Variants in POLR3B observed in about 807,000 individuals in gnomAD.
The protein encoded by POLR3B is DNA-directed RNA polymerase III subunit RPC2.
POLR3B carries 96 observed loss-of-function variants against 147.4 expected under a neutral mutation model. The ratio of observed to expected loss-of-function variants is 0.65; its 90% confidence interval spans 0.55 to 0.77. POLR3B has a LOEUF of 0.77. Ranked by LOEUF, POLR3B falls within the 30% of genes least tolerant of loss-of-function variation. The pLI, the probability that POLR3B is intolerant of heterozygous loss-of-function variation, is 0.00. For missense variants in POLR3B, 1,036 were observed against 1,413.5 expected, an observed-to-expected ratio of 0.73 and a Z score of 4.28; for synonymous variants, 461 against 485.9, an observed-to-expected ratio of 0.95 and a Z score of 0.67.
In POLR3B at chr12:106,509,599, C is replaced by T. The variant is rs777325577; in HGVS notation, c.*50C>T. On this transcript the variant is annotated 3_prime_UTR_variant, in exon 28 of 28. Coordinates refer to ENST00000228347, the MANE Select transcript of POLR3B (RefSeq NM_018082.6). ...AGAACAAGTGATACATCCAATGCAA[C>T]GGAAAGCAGAAGGGATTTAGGACTA... is the stretch of plus-strand genomic sequence containing the variant. 2.1e-5 allele frequency: 33 copies of T among 1,539,904 alleles called. No individual in the cohort carries two copies. The highest frequency in any genetic ancestry group is 5.0e-5 in the Admixed American group (3 of 59,626).
intron 11 of POLR3B, among the ~76,000 whole-genome samples, chr12:106,408,564 T>TA (rs1468970834): frequency 6.6e-6 from 1 of 152,176 alleles, no homozygotes; most frequent in Non-Finnish European, 1.5e-5. Context: ...TAAGAGTGGT[T>TA]AGGCTCCAAG....
intron 12 of POLR3B, among the ~76,000 whole-genome samples, chr12:106,422,770 G>A (rs1471578397): frequency 6.6e-6 from 1 of 152,084 alleles, no homozygotes; most frequent in Non-Finnish European, 1.5e-5. Flanking sequence ...TTTTTTAGGA[G>A]TGTCTTGGCT....
At position 106,501,357 on chromosome 12, in the gene POLR3B, G is replaced by T. The variant is rs375472185; in HGVS notation, c.3019G>T (p.Val1007Leu). 1.3e-5 allele frequency: 21 copies of T among 1,613,136 alleles called. No homozygotes were observed. Among genetic ancestry groups the T allele is most frequent in the Non-Finnish European group, 1.4e-5 (17 of 1,179,232 alleles). The change falls in exon 26 of 28, where the codon GTG (valine) becomes TTG (leucine). Residue 1007 changes from valine to leucine, a missense_variant. Val to Leu is a conservative substitution (Grantham distance 32). Transcript: ENST00000228347. ...PLEAYIYFGP[V>L]YYQKLKHMVL... is the part of the protein sequence containing the mutation. ...AGAAGCATACATCTATTTTGGCCCC[G>T]TGTACTATCAGAAGCTGAAACACAT... is the stretch of plus-strand genomic sequence containing the variant.
chr12:106,364,579 C>T (rs904414384), intron 2 of POLR3B, among the ~76,000 whole-genome samples: 1 of 152,172 alleles, frequency 6.6e-6, no homozygotes, highest in African/African-American at 2.4e-5. Flanking sequence ...TTACCACATC[C>T]TCCAGCAATT....
At chr12:106,378,415 A>G (rs1164273477) in intron 8 of POLR3B, 31 bp downstream of exon 8, 4 of 1,334,994 alleles carry the variant, frequency 3.0e-6, no homozygotes, top group Non-Finnish European at 4.3e-6. Context: ...GTCCTTAAGC[A>G]ATATTGGTCA....
Position 106,366,717 on chromosome 12 carries a change from C to T in POLR3B, c.222C>T (p.Tyr74=). 1 of 1,610,216 alleles carries T rather than the reference C, an allele frequency of 6.2e-7. No individual in the cohort carries two copies. Among genetic ancestry groups the T allele is most frequent in the Non-Finnish European group, 8.5e-7 (1 of 1,176,568 alleles). The change falls in exon 4 of 28, where the codon TAC becomes TAT. Residue 74 remains tyrosine, a synonymous_variant. Coordinates refer to ENST00000228347, the MANE Select transcript of POLR3B (RefSeq NM_018082.6). The part of the protein sequence containing the change: ...KVTSDADPMW[Y]LKYLNIYVGL... ...CAAGTGACGCTGACCCTATGTGGTA[C>T]TTAAAGTAAGGAACCAACATTCTTA...
rs1176483048 is a variant in POLR3B, at chr12:106,376,507, CTGT to C, written c.496+58_496+60del. The C allele has an allele frequency of 8.2e-5, 100 of 1,214,872 alleles. 1 individual carries two copies. The East Asian group carries it at 2.3e-3, about 28-fold the overall frequency. The allele number at this position is 1,214,872 out of a possible 1,614,324, so 75.3% of individuals were successfully genotyped here. A position where few individuals can be genotyped will look rare whatever the true frequency, so the allele number is the denominator to read the frequency against. ...TCCTTATTCTTTTATTCTGCTGCTGCTGTGGTTTTAACATTTTGTCTCAAAAAC... is the reference window on the plus strand; with the variant it reads ...TCCTTATTCTTTTATTCTGCTGCTGCGGTTTTAACATTTTGTCTCAAAAAC... On this transcript the variant is annotated intron_variant, in intron 7 of 27. Coordinates refer to ENST00000228347, the MANE Select transcript of POLR3B (RefSeq NM_018082.6).
intron 23 of POLR3B, among the ~76,000 whole-genome samples, chr12:106,471,344 G>A (rs1290736099): frequency 6.6e-6 from 1 of 152,158 alleles, no homozygotes; most frequent in African/African-American, 2.4e-5. Flanking sequence ...GGGCAGGAGT[G>A]TACCTCTTCT....
intron 19 of POLR3B, among the ~76,000 whole-genome samples, chr12:106,448,381 A>C (rs2037750712): frequency 6.7e-6 from 1 of 150,192 alleles, no homozygotes; most frequent in African/African-American, 2.4e-5. Context: ...GGTCATAAAT[A>C]ATGTTGCCAC....
intron 23 of POLR3B, among the ~76,000 whole-genome samples, chr12:106,464,455 G>A (rs923536482): frequency 3.3e-5 from 5 of 152,208 alleles, no homozygotes; most frequent in Non-Finnish European, 7.4e-5. Flanking sequence ...GGAAACAGAG[G>A]CATAGAAAGA....
At chr12:106,496,185 G>T (rs1487609444) in intron 24 of POLR3B, 27 bp downstream of exon 24, 2 of 1,335,192 alleles carry the variant, frequency 1.5e-6, no homozygotes, top group Non-Finnish European at 1.1e-6. Flanking sequence ...TTTTTCAGAG[G>T]CATTGCCTTT....
intron 19 of POLR3B, among the ~76,000 whole-genome samples, chr12:106,451,514 C>T (rs771156241): frequency 6.6e-6 from 1 of 150,960 alleles, no homozygotes; most frequent in Non-Finnish European, 1.5e-5. Context: ...TCCAGCTACT[C>T]GGGTGGCTGA....
intron 9 of POLR3B, among the ~76,000 whole-genome samples, chr12:106,386,342 C>CAA (rs61272699): frequency 0.38 from 39,267 of 104,328 alleles, 7,316 homozygotes; most frequent in African/African-American, 0.59. Context: ...GACTCCGTCT[C>CAA]AAAAAAAAAA....
At chr12:106,489,805 C>T (rs754730813) in intron 23 of POLR3B, among the ~76,000 whole-genome samples, 2 of 152,122 alleles carry the variant, frequency 1.3e-5, no homozygotes, top group Admixed American at 6.5e-5. Context: ...GTCTAAAATC[C>T]TCTCTGCAAG....
chr12:106,454,419 A>G (rs2037838180), intron 19 of POLR3B, 83 bp from the exon 20 acceptor site: 1 of 742,886 alleles, frequency 1.3e-6, no homozygotes, highest in Non-Finnish European at 2.4e-6. Context: ...AGTGATGTTA[A>G]TGTATTTATC....
chr12:106,401,658 A>G (rs551527372), intron 10 of POLR3B, among the ~76,000 whole-genome samples: 36 of 152,374 alleles, frequency 2.4e-4, no homozygotes, highest in South Asian at 4.1e-4. Context: ...CTGGTTCAAC[A>G]TACACAAATC....
intron 6 of POLR3B, among the ~76,000 whole-genome samples, chr12:106,370,843 G>T (rs1401473191): frequency 2.0e-5 from 3 of 152,002 alleles, no homozygotes; most frequent in East Asian, 1.9e-4. Flanking sequence ...TGTTGGTCAG[G>T]CTAGTCTTGA....
Position 106,433,739 on chromosome 12 carries a change from C to A in POLR3B, c.1648C>A (p.Arg550=), listed in dbSNP as rs267608688. 1 of 1,613,246 alleles carries A rather than the reference C, an allele frequency of 6.2e-7. No homozygotes were observed. Among genetic ancestry groups the A allele is most frequent in the Non-Finnish European group, 8.5e-7 (1 of 1,179,648 alleles). The change falls in exon 16 of 28, where the codon CGA becomes AGA. Residue 550 remains arginine, a synonymous_variant. Coordinates refer to ENST00000228347, the MANE Select transcript of POLR3B (RefSeq NM_018082.6). ...CCTAGGTAACATCTTAGGTGTCATT[C>A]GAGACCACAAAAAGCTAGTGAATAC... ...FLNGNILGVI[R]DHKKLVNTFR...
At chr12:106,496,656 T>C in intron 24 of POLR3B, 96 bp from the exon 25 acceptor site, 1 of 1,042,396 alleles carries the variant, frequency 9.6e-7, no homozygotes, top group Non-Finnish European at 1.5e-6. Flanking sequence ...TTACTGTTAT[T>C]AATAGTGGTC....
Sources: allele counts gnomAD v4.1 joint callset (sites outside exome capture counted in the v4.1 genomes callset), GRCh38; gene constraint gnomAD v4.1.1; transcripts MANE v1.5; gene names NCBI Gene and HGNC (gene_info 2026-07-23, HGNC 2026-07-21).